The following EYA3 variants were observed in gnomAD, a reference collection of about 807,000 sequenced individuals.
EYA3 encodes the protein protein phosphatase EYA3.
EYA3 carries 39 observed loss-of-function variants against 80.0 expected under a neutral mutation model. That is an observed-to-expected ratio of 0.49 (90% CI 0.38 to 0.64). EYA3 has a LOEUF of 0.64. Among genes scored for constraint, EYA3 ranks in the 30% least tolerant of loss-of-function variants. EYA3 has a pLI of 0.00. For missense variants in EYA3, 523 were observed against 676.1 expected, an observed-to-expected ratio of 0.77 and a Z score of 2.51; for synonymous variants, 206 against 232.8, an observed-to-expected ratio of 0.88 and a Z score of 1.05.
chr1:27,978,602 G>A, intron 16 of EYA3, 128 bp from the exon 17 acceptor site: 1 of 667,208 alleles, frequency 1.5e-6, no homozygotes, highest in Non-Finnish European at 2.6e-6. Context: ...TAGTTTGCTT[G>A]CTGGGGAGTA....
At chr1:28,058,156 T>C (rs1258542208) in intron 1 of EYA3, 62 bp from the exon 2 acceptor site, 2 of 617,714 alleles carry the variant, frequency 3.2e-6, no homozygotes, top group Non-Finnish European at 5.2e-6. Flanking sequence ...ATTGAGGCCA[T>C]CAGAGAATGA....
chr1:28,019,585 T>C (rs181629689), intron 7 of EYA3, among the ~76,000 whole-genome samples: 2 of 152,344 alleles, frequency 1.3e-5, no homozygotes, highest in African/African-American at 4.8e-5. Context: ...AGAATTGATT[T>C]AATCATTTAT....
chr1:28,065,429 C>T (rs529249667), intron 1 of EYA3, among the ~76,000 whole-genome samples: 1 of 151,920 alleles, frequency 6.6e-6, no homozygotes, highest in Non-Finnish European at 1.5e-5. Flanking sequence ...CGTGCCACCA[C>T]GCCCAGCTAA....
intron 3 of EYA3, among the ~76,000 whole-genome samples, chr1:28,047,614 G>A (rs183423692): frequency 1.0e-3 from 156 of 151,452 alleles, no homozygotes; most frequent in Admixed American, 5.1e-3. Context: ...CAAACTGTGA[G>A]GTGCAAACAA....
At chr1:27,987,325 TG>T (rs1237368862) in intron 16 of EYA3, among the ~76,000 whole-genome samples, 3 of 152,268 alleles carry the variant, frequency 2.0e-5, no homozygotes, top group Non-Finnish European at 4.4e-5. Context: ...AATATTTCAC[TG>T]TACGTGTATA....
chr1:28,080,924 A>AT (rs758922041), intron 1 of EYA3, among the ~76,000 whole-genome samples: 73 of 144,726 alleles, frequency 5.0e-4, no homozygotes, highest in East Asian at 8.0e-4. Context: ...CTAATTTTGT[A>AT]TTTTTTTTTT....
At chr1:28,053,426 T>C (rs1022256200) in intron 2 of EYA3, among the ~76,000 whole-genome samples, 1 of 152,184 alleles carries the variant, frequency 6.6e-6, no homozygotes, top group East Asian at 1.9e-4. Context: ...TTTTTGCTTC[T>C]GCTACAATGT....
intron 14 of EYA3, among the ~76,000 whole-genome samples, chr1:27,991,695 A>T (rs1369274105): frequency 6.6e-6 from 1 of 152,138 alleles, no homozygotes; most frequent in Non-Finnish European, 1.5e-5. Flanking sequence ...CAACAAAACC[A>T]GTACCTATAT....
At chr1:28,014,452 G>T (rs1302708464) in intron 8 of EYA3, among the ~76,000 whole-genome samples, 1 of 146,948 alleles carries the variant, frequency 6.8e-6, no homozygotes, top group Admixed American at 6.8e-5. Flanking sequence ...AAAAGGCCAG[G>T]CACGGGAGCT....
At chr1:28,039,054 T>C in intron 4 of EYA3, 149 bp from the exon 5 acceptor site, 1 of 474,212 alleles carries the variant, frequency 2.1e-6, no homozygotes. Flanking sequence ...GTAGAAAATA[T>C]CTCACTTTTT....
At chr1:28,006,583 G>T (rs2148775002) in intron 10 of EYA3, among the ~76,000 whole-genome samples, 1 of 152,190 alleles carries the variant, frequency 6.6e-6, no homozygotes, top group South Asian at 2.1e-4. Context: ...GCACGCGCCT[G>T]TAATCCCAGC....
intron 6 of EYA3, among the ~76,000 whole-genome samples, chr1:28,029,987 G>T (rs1261734164): frequency 1.3e-5 from 2 of 152,018 alleles, no homozygotes; most frequent in African/African-American, 4.8e-5. Flanking sequence ...GTCTAAGAAG[G>T]TTCATCAACC....
intron 1 of EYA3, among the ~76,000 whole-genome samples, chr1:28,070,908 C>T (rs1381617660): frequency 1.3e-5 from 2 of 152,118 alleles, no homozygotes; most frequent in African/African-American, 4.8e-5. Flanking sequence ...TTAAAGTCTG[C>T]ATACATTCAC....
chr1:28,035,936 T>C (rs1643429096), intron 5 of EYA3, among the ~76,000 whole-genome samples: 1 of 152,140 alleles, frequency 6.6e-6, no homozygotes, highest in Non-Finnish European at 1.5e-5. Flanking sequence ...TGCCTCAGCC[T>C]CCCAAATACC....
At chr1:28,071,500 G>A (rs779554594) in intron 1 of EYA3, among the ~76,000 whole-genome samples, 9 of 152,012 alleles carry the variant, frequency 5.9e-5, no homozygotes, top group African/African-American at 1.4e-4. Context: ...TATCAAGAAC[G>A]TTGATAAACA....
intron 1 of EYA3, among the ~76,000 whole-genome samples, chr1:28,065,764 G>A (rs1228563951): frequency 6.7e-6 from 1 of 149,336 alleles, no homozygotes; most frequent in Non-Finnish European, 1.5e-5. Context: ...CAGCACTCTG[G>A]GAGGCCGAGG....
chr1:28,083,340 T>G (rs886095659), intron 1 of EYA3, among the ~76,000 whole-genome samples: 3 of 152,048 alleles, frequency 2.0e-5, no homozygotes. Context: ...ACCAACATGG[T>G]GAAACCCCAT....
intron 2 of EYA3, among the ~76,000 whole-genome samples, chr1:28,049,281 C>T (rs561906477): frequency 5.3e-5 from 8 of 152,302 alleles, no homozygotes; most frequent in African/African-American, 1.7e-4. Flanking sequence ...ATATACTCCT[C>T]ATGAGAATAC....
chr1:28,072,523 A>G (rs1645052678), intron 1 of EYA3, among the ~76,000 whole-genome samples: 1 of 152,302 alleles, frequency 6.6e-6, no homozygotes, highest in Non-Finnish European at 1.5e-5. Context: ...GAATGTCTAA[A>G]ATAAAAATAA....
Sources: gnomAD v4.1 joint callset for allele counts (sites outside exome capture counted in the v4.1 genomes callset) on GRCh38, gnomAD v4.1.1 for gene constraint, MANE v1.5 for transcripts, NCBI Gene and HGNC (gene_info 2026-07-23, HGNC 2026-07-21) for gene names.